KRTAP10-10: variants seen among roughly 807,000 people sequenced by gnomAD.
The protein encoded by KRTAP10-10 is keratin associated protein 10-10.
For missense variants in KRTAP10-10, 324 were observed against 319.9 expected, an observed-to-expected ratio of 1.01 and a Z score of -0.10; for synonymous variants, 139 against 137.6, an observed-to-expected ratio of 1.01 and a Z score of -0.07.
rs143765249 is a variant in KRTAP10-10, at chr21:44,638,127, G to A, written c.710G>A (p.Arg237His). 1,109 of 1,612,976 alleles carry A rather than the reference G, an allele frequency of 6.9e-4. 8 individuals are homozygous for A. The African/African-American group carries it at 9.0e-3, about 13-fold the overall frequency. The change falls in exon 1 of 1, where the codon CGC (arginine) becomes CAC (histidine). Residue 237 changes from arginine to histidine, a missense_variant. Coordinates refer to ENST00000380095, the MANE Select transcript of KRTAP10-10 (RefSeq NM_181688.3). ...VSLLCRPVCS[R>H]PACYSLCSGQ... ...CTCCTCTGCCGCCCCGTGTGCTCCC[G>A]CCCTGCCTGCTACAGCCTCTGCTCT...
the KRTAP10-10 span, chr21:44,637,700 TGTGTG>T: frequency 2.3e-5 from 8 of 340,520 alleles, no homozygotes; most frequent in Non-Finnish European, 3.4e-5. Context: ...GCAGGCCTGC[TGTGTG>T]CCTGTCTGCT....
chr21:44,637,768 T>C lies in KRTAP10-10; in HGVS notation c.351T>C (p.Pro117=), dbSNP rs1983721735. The C allele has an allele frequency of 7.4e-7, 1 of 1,355,116 alleles. No homozygotes were observed. The allele number at this position is 1,355,116 out of a possible 1,614,324, so 83.9% of individuals were successfully genotyped here. Residue 117 remains proline (P), a synonymous_variant, in exon 1 of 1, where the codon CCT becomes CCC. Transcript: ENST00000380095. ...GTAACAAGCCTGTGTGCTTCGTGCCTACCTGCTCCGAGTCTTCCCCTTCAT... is the reference window on the plus strand; with the variant it reads ...GTAACAAGCCTGTGTGCTTCGTGCCCACCTGCTCCGAGTCTTCCCCTTCAT... ...PVCNKPVCFV[P]TCSESSPSCC...
chr21:44,638,271 G>A lies in KRTAP10-10; in HGVS notation c.*98G>A, dbSNP rs369829694. ...TCTCTGGCTTTGACACCCTCAGAAG[G>A]TGGGGCAGGCTCTTTGTCTTGGGGA... On this transcript the variant is annotated 3_prime_UTR_variant, in exon 1 of 1. Coordinates refer to ENST00000380095, the MANE Select transcript of KRTAP10-10 (RefSeq NM_181688.3). 9,689 of 1,484,136 alleles carry A rather than the reference G, an allele frequency of 6.5e-3. 94 individuals are homozygous for A. Among genetic ancestry groups the A allele is most frequent in the Middle Eastern group, 0.037 (159 of 4,342 alleles). 91.9% of individuals were successfully genotyped at this position (1,484,136 alleles called of 1,614,324 possible).
chr21:44,637,367 A>G lies in KRTAP10-10; in HGVS notation c.-51A>G. 1 of 1,573,350 alleles carries G rather than the reference A, an allele frequency of 6.4e-7. No homozygotes were observed. The highest frequency in any genetic ancestry group is 8.6e-7 in the Non-Finnish European group (1 of 1,159,464). On this transcript the variant is annotated 5_prime_UTR_variant, in exon 1 of 1. Coordinates refer to ENST00000380095, the MANE Select transcript of KRTAP10-10 (RefSeq NM_181688.3). ...CAGGCTCACACACACACTCACTCAC[A>G]CACTCACTCACTCACACACCTCCCC...
rs1362430180 is a variant in KRTAP10-10, at chr21:44,638,139, A to G, written c.722A>G (p.Tyr241Cys). Residue 241 changes from tyrosine to cysteine, a missense_variant, in exon 1 of 1, where the codon TAC (tyrosine) becomes TGC (cysteine). Physicochemically the swap from Tyr to Cys is radical, Grantham distance 194. Coordinates refer to ENST00000380095, the MANE Select transcript of KRTAP10-10 (RefSeq NM_181688.3). ...CCCGTGTGCTCCCGCCCTGCCTGCT[A>G]CAGCCTCTGCTCTGGCCAGAAGTCC... Reference protein sequence around the residue: ...CRPVCSRPACYSLCSGQKSSC With the variant: ...CRPVCSRPACCSLCSGQKSSC The G allele has an allele frequency of 1.1e-5, 18 of 1,612,576 alleles. No homozygotes were observed. The highest frequency in any genetic ancestry group is 4.0e-5 in the African/African-American group (3 of 74,790).
rs1555937155 is a variant in KRTAP10-10 at position 44,637,623 on chromosome 21, C to T, written c.206C>T (p.Ser69Phe). Residue 69 changes from serine (S) to phenylalanine (F), a missense_variant, in exon 1 of 1, where the codon TCC becomes TTC. Coordinates refer to ENST00000380095, the MANE Select transcript of KRTAP10-10 (RefSeq NM_181688.3). ...PSACQSGYTS[S>F]CTTPCYQQSS... ...GCCTGCCAATCAGGCTACACCAGCT[C>T]CTGCACAACCCCATGCTACCAGCAG... 6.2e-7 allele frequency: 1 copy of T among 1,614,004 alleles called. No homozygotes were observed. Among genetic ancestry groups the T allele is most frequent in the Non-Finnish European group, 8.5e-7 (1 of 1,179,922 alleles).
Position 44,638,291 on chromosome 21 carries a change from T to C in KRTAP10-10, c.*118T>C. 7.5e-7 allele frequency: 1 copy of C among 1,328,524 alleles called. No homozygotes were observed. Among genetic ancestry groups the C allele is most frequent in the Non-Finnish European group, 1.0e-6 (1 of 997,038 alleles). The allele number at this position is 1,328,524 out of a possible 1,614,324, so 82.3% of individuals were successfully genotyped here. ...AGAAGGTGGGGCAGGCTCTTTGTCT[T>C]GGGGACCAGGATGCTCCCCCAGTCC... On this transcript the variant is annotated 3_prime_UTR_variant, in exon 1 of 1. Transcript: ENST00000380095.
Position 44,637,708 on chromosome 21 carries a change from TGTCTGCTGTGTGCCC to T in KRTAP10-10, c.300_314del (p.Cys105_Cys109del), listed in dbSNP as rs782171437. 0.17 allele frequency: 80,459 copies of T among 482,524 alleles called. 2,536 individuals are homozygous for T. Among genetic ancestry groups the T allele is most frequent in the Middle Eastern group, 0.32 (806 of 2,520 alleles). The allele number at this position is 482,524 out of a possible 1,614,324, so 29.9% of individuals were successfully genotyped here. On this transcript the variant is annotated inframe_deletion, in exon 1 of 1. Coordinates refer to ENST00000380095, the MANE Select transcript of KRTAP10-10 (RefSeq NM_181688.3). ...CCTGCCAGCAGGCCTGCTGTGTGCC[TGTCTGCTGTGTGCCC>T]GTCTGCTGCGTGCCCGTCTGTAACA... is the stretch of plus-strand genomic sequence containing the variant.
In KRTAP10-10 at chr21:44,637,535, C is replaced by T; in HGVS notation, c.118C>T (p.Leu40=). 1.2e-6 allele frequency: 2 copies of T among 1,613,616 alleles called. No individual in the cohort carries two copies. Among genetic ancestry groups the T allele is most frequent in the Non-Finnish European group, 1.7e-6 (2 of 1,179,972 alleles). ...CTGTGCCCCAGCCCCCAGCTTGACC[C>T]TGGTCTGCACCCCAGTGAGCTGTGT... ...CCCAPAPSLT[L]VCTPVSCVSS... is the part of the protein sequence containing the mutation. Residue 40 remains leucine (L), a synonymous_variant, in exon 1 of 1, where the codon CTG becomes TTG. Transcript: ENST00000380095.
chr21:44,638,036 CCCTCCTGCGGTGCCTCTGCCT>C lies in KRTAP10-10; in HGVS notation c.628_648del (p.Gly210_Cys216del), dbSNP rs782288030. 3.1e-6 allele frequency: 5 copies of C among 1,613,244 alleles called. No homozygotes were observed. Among genetic ancestry groups the C allele is most frequent in the African/African-American group, 2.7e-5 (2 of 74,982 alleles). ...CAAGTCCACCTGCTGCGTGCCCGTC[CCCTCCTGCGGTGCCTCTGCCT>C]CCTCCTGCCAGCCCAGCTGCTGCCG... is the stretch of plus-strand genomic sequence containing the variant. On this transcript the variant is annotated inframe_deletion, in exon 1 of 1. Coordinates refer to ENST00000380095, the MANE Select transcript of KRTAP10-10 (RefSeq NM_181688.3).
chr21:44,637,544 A>G lies in KRTAP10-10; in HGVS notation c.127A>G (p.Thr43Ala). The G allele has an allele frequency of 6.2e-7, 1 of 1,613,430 alleles. No homozygotes were observed. The highest frequency in any genetic ancestry group is 8.5e-7 in the Non-Finnish European group (1 of 1,179,944). Residue 43 changes from threonine to alanine, a missense_variant, in exon 1 of 1, where the codon ACC becomes GCC. Coordinates refer to ENST00000380095, the MANE Select transcript of KRTAP10-10 (RefSeq NM_181688.3). The part of the protein sequence containing the change: ...APAPSLTLVC[T>A]PVSCVSSPCC... The stretch of plus-strand genomic sequence containing the variant: ...AGCCCCCAGCTTGACCCTGGTCTGC[A>G]CCCCAGTGAGCTGTGTGTCCAGCCC...
the KRTAP10-10 span, chr21:44,637,719 T>TCCAA: frequency 8.1e-7 from 1 of 1,240,260 alleles, no homozygotes; most frequent in African/African-American, 1.6e-5. Context: ...GTCTGCTGTG[T>TCCAA]GCCCGTCTGC....
Position 44,637,876 on chromosome 21 carries a change from G to A in KRTAP10-10, c.459G>A (p.Lys153=), listed in dbSNP as rs1555937414. The change falls in exon 1 of 1, where the codon AAG becomes AAA. Residue 153 remains lysine (K), a synonymous_variant. Coordinates refer to ENST00000380095, the MANE Select transcript of KRTAP10-10 (RefSeq NM_181688.3). The part of the protein sequence containing the change: ...QQACCVPVCS[K]SVCYVPVCSG... ...CCTGCTGTGTGCCTGTCTGCTCTAA[G>A]TCCGTCTGCTATGTGCCTGTGTGCT... 4 of 1,531,224 alleles carry A rather than the reference G, an allele frequency of 2.6e-6. No individual in the cohort carries two copies. The highest frequency in any genetic ancestry group is 1.4e-5 in the African/African-American group (1 of 72,518). The allele number at this position is 1,531,224 out of a possible 1,614,324, so 94.9% of individuals were successfully genotyped here.
In KRTAP10-10 at chr21:44,638,063, T is replaced by C; in HGVS notation, c.646T>C (p.Cys216Arg). The change falls in exon 1 of 1, where the codon TGC becomes CGC. Residue 216 changes from cysteine (C) to arginine (R), a missense_variant. Transcript: ENST00000380095. ...CTCCTGCGGTGCCTCTGCCTCCTCC[T>C]GCCAGCCCAGCTGCTGCCGCACGGC... The part of the protein sequence containing the change: ...VPSCGASASS[C>R]QPSCCRTASC... The C allele has an allele frequency of 6.2e-7, 1 of 1,613,278 alleles. No homozygotes were observed. The highest frequency in any genetic ancestry group is 8.5e-7 in the Non-Finnish European group (1 of 1,179,624).
chr21:44,637,453 C>T lies in KRTAP10-10; in HGVS notation c.36C>T (p.Ala12=), dbSNP rs587736574. ...AASTMSICSS[A]CTDSWRVVDC... is the part of the protein sequence containing the mutation. ...CCACCATGTCCATCTGCTCCAGCGCCTGCACTGACTCTTGGCGGGTAGTCG... is the reference window on the plus strand; with the variant it reads ...CCACCATGTCCATCTGCTCCAGCGCTTGCACTGACTCTTGGCGGGTAGTCG... The change falls in exon 1 of 1, where the codon GCC becomes GCT. Residue 12 remains alanine (A), a synonymous_variant. Coordinates refer to ENST00000380095, the MANE Select transcript of KRTAP10-10 (RefSeq NM_181688.3). 6.2e-7 allele frequency: 1 copy of T among 1,612,594 alleles called. No individual in the cohort carries two copies. Among genetic ancestry groups the T allele is most frequent in the East Asian group, 2.2e-5 (1 of 44,854 alleles).
chr21:44,637,367 ACACT>A lies in KRTAP10-10; in HGVS notation c.-39_-36del, dbSNP rs782029850. 1.7e-5 allele frequency: 26 copies of A among 1,573,258 alleles called. No individual in the cohort carries two copies. Among genetic ancestry groups the A allele is most frequent in the Admixed American group, 6.9e-5 (4 of 57,678 alleles). On this transcript the variant is annotated 5_prime_UTR_variant, in exon 1 of 1. Coordinates refer to ENST00000380095, the MANE Select transcript of KRTAP10-10 (RefSeq NM_181688.3). ...CAGGCTCACACACACACTCACTCAC[ACACT>A]CACTCACTCACACACCTCCCCCAGC...
rs782732011 is a variant in KRTAP10-10 at position 44,637,927 on chromosome 21, G to T, written c.510G>T (p.Gln170His). The change falls in exon 1 of 1, where the codon CAG becomes CAT. Residue 170 changes from glutamine to histidine, a missense_variant. Coordinates refer to ENST00000380095, the MANE Select transcript of KRTAP10-10 (RefSeq NM_181688.3). ...VCSGASTSCC[Q>H]QSSCQPACCT... ...CTGGGGCTTCCACTTCATGCTGCCA[G>T]CAGTCTAGCTGCCAGCCTGCTTGCT... The T allele has an allele frequency of 6.2e-7, 1 of 1,612,934 alleles. No homozygotes were observed. Among genetic ancestry groups the T allele is most frequent in the Non-Finnish European group, 8.5e-7 (1 of 1,179,164 alleles).
rs781960035 is a variant in KRTAP10-10, at chr21:44,637,956, C to A, written c.539C>A (p.Thr180Asn). 1.2e-5 allele frequency: 19 copies of A among 1,613,986 alleles called. No homozygotes were observed. The highest frequency in any genetic ancestry group is 2.7e-5 in the African/African-American group (2 of 74,898). Residue 180 changes from threonine (T) to asparagine (N), a missense_variant, in exon 1 of 1, where the codon ACC becomes AAC. Coordinates refer to ENST00000380095, the MANE Select transcript of KRTAP10-10 (RefSeq NM_181688.3). ...TCTAGCTGCCAGCCTGCTTGCTGCACCGCCTCCTGCTGCAGACCCTCCTCC... is the reference window on the plus strand; with the variant it reads ...TCTAGCTGCCAGCCTGCTTGCTGCAACGCCTCCTGCTGCAGACCCTCCTCC... Reference protein sequence around the residue: ...QQSSCQPACCTASCCRPSSSV... With the variant: ...QQSSCQPACCNASCCRPSSSV...
rs77109703 is a variant in KRTAP10-10 at position 44,638,126 on chromosome 21, C to A, written c.709C>A (p.Arg237Ser). Residue 237 changes from arginine (R) to serine (S), a missense_variant, in exon 1 of 1, where the codon CGC (arginine) becomes AGC (serine). Coordinates refer to ENST00000380095, the MANE Select transcript of KRTAP10-10 (RefSeq NM_181688.3). ...VSLLCRPVCSRPACYSLCSGQ... is the reference protein window; with the variant it reads ...VSLLCRPVCSSPACYSLCSGQ... ...CCTCCTCTGCCGCCCCGTGTGCTCC[C>A]GCCCTGCCTGCTACAGCCTCTGCTC... 1 of 1,608,576 alleles carries A rather than the reference C, an allele frequency of 6.2e-7. No individual in the cohort carries two copies. The highest frequency in any genetic ancestry group is 1.7e-5 in the Admixed American group (1 of 59,736).
Sources: gnomAD v4.1 joint callset for allele counts on GRCh38, gnomAD v4.1.1 for gene constraint, MANE v1.5 for transcripts, NCBI Gene and HGNC (gene_info 2026-07-23, HGNC 2026-07-21) for gene names.